CRPPA: variants seen among roughly 807,000 people sequenced by gnomAD.
CRPPA encodes the protein CDP-L-ribitol pyrophosphorylase A.
CRPPA carries 43 observed loss-of-function variants against 52.0 expected under a neutral mutation model. The ratio of observed to expected loss-of-function variants is 0.83; its 90% CI spans 0.65 to 1.07. CRPPA has a LOEUF of 1.07. Among genes scored for constraint, CRPPA ranks in the 50% least tolerant of loss-of-function variants. The probability of loss-of-function intolerance (pLI) is 0.00; values close to 1 mark genes in which losing one functional copy is unlikely to be tolerated. For synonymous variants in CRPPA, 250 were observed against 203.5 expected, an observed-to-expected ratio of 1.23 and a Z score of -1.94; for missense variants, 629 against 551.7, an observed-to-expected ratio of 1.14 and a Z score of -1.40.
intron 8 of CRPPA, among the ~76,000 whole-genome samples, chr7:16,257,150 G>C (rs953071603): frequency 1.3e-5 from 2 of 152,022 alleles, no homozygotes; most frequent in Non-Finnish European, 1.5e-5. Flanking sequence ...TCTACGTCGA[G>C]GAAACCAAAC....
chr7:16,236,534 T>G (rs1349050324), intron 8 of CRPPA, among the ~76,000 whole-genome samples: 2 of 152,108 alleles, frequency 1.3e-5, no homozygotes, highest in Admixed American at 1.3e-4. Context: ...ATCTAGAAGT[T>G]TCTGGCACTG....
chr7:16,171,923 T>A (rs2128385493), intron 9 of CRPPA, among the ~76,000 whole-genome samples: 1 of 152,344 alleles, frequency 6.6e-6, no homozygotes, highest in South Asian at 2.1e-4. Context: ...TTTTTGATAA[T>A]TGTGATATAA....
chr7:16,375,710 A>C (rs1786863035), intron 3 of CRPPA, among the ~76,000 whole-genome samples: 1 of 152,130 alleles, frequency 6.6e-6, no homozygotes, highest in Non-Finnish European at 1.5e-5. Flanking sequence ...GGAAATCTGG[A>C]ATTTTTGTAT....
intron 9 of CRPPA, among the ~76,000 whole-genome samples, chr7:16,103,750 G>T (rs539685971): frequency 1.3e-5 from 2 of 152,236 alleles, no homozygotes; most frequent in South Asian, 2.1e-4. Context: ...ACCAGCTGTT[G>T]TTAGGCAATG....
intron 2 of CRPPA, among the ~76,000 whole-genome samples, chr7:16,380,057 T>C (rs552068683): frequency 2.5e-4 from 38 of 151,278 alleles, no homozygotes; most frequent in African/African-American, 5.6e-4. Context: ...AGGGCATCCC[T>C]GTCTTGTGCC....
chr7:16,421,178 C>T lies in CRPPA; in HGVS notation c.145G>A (p.Ala49Thr). 1 of 1,340,992 alleles carries T rather than the reference C, an allele frequency of 7.5e-7. No homozygotes were observed. The highest frequency in any genetic ancestry group is 1.9e-4 in the Middle Eastern group (1 of 5,136). 83.1% of individuals were successfully genotyped at this position (1,340,992 alleles called of 1,614,324 possible). The part of the protein sequence containing the change: ...EPGRHPQAVA[A>T]VLPAGGCGER... ...CCGCACCCCCCGGCAGGCAACACAG[C>T]TGCCACGGCTTGCGGGTGGCGCCCG... The change falls in exon 1 of 10, where the codon GCT becomes ACT. Residue 49 changes from alanine (A) to threonine (T), a missense_variant. Transcript: ENST00000407010.
chr7:16,354,698 T>C (rs1786251149), intron 3 of CRPPA, among the ~76,000 whole-genome samples: 1 of 152,126 alleles, frequency 6.6e-6, no homozygotes, highest in Admixed American at 6.6e-5. Context: ...CAACTGTGGC[T>C]AAGAAAAGGG....
At chr7:16,175,427 G>C (rs752800857) in intron 9 of CRPPA, among the ~76,000 whole-genome samples, 21 of 152,084 alleles carry the variant, frequency 1.4e-4, no homozygotes, top group Non-Finnish European at 2.6e-4. Flanking sequence ...TTTCAAGGGA[G>C]TGAATATCTA....
At chr7:16,195,282 T>C (rs1274231506) in intron 9 of CRPPA, among the ~76,000 whole-genome samples, 1 of 152,100 alleles carries the variant, frequency 6.6e-6, no homozygotes, top group Non-Finnish European at 1.5e-5. Context: ...GAACTATTCC[T>C]CCTAAAACCA....
intron 3 of CRPPA, among the ~76,000 whole-genome samples, chr7:16,370,582 G>C (rs1160757137): frequency 6.6e-6 from 1 of 152,096 alleles, no homozygotes; most frequent in Non-Finnish European, 1.5e-5. Flanking sequence ...ACTACATCAA[G>C]GAAACACCCT....
intron 8 of CRPPA, among the ~76,000 whole-genome samples, chr7:16,253,009 G>T (rs538551896): frequency 4.6e-5 from 7 of 152,012 alleles, no homozygotes; most frequent in Non-Finnish European, 8.8e-5. Flanking sequence ...TTCTTTATTA[G>T]TCTTGCTAGT....
chr7:16,209,645 T>C (rs969617497), intron 9 of CRPPA, among the ~76,000 whole-genome samples: 7 of 152,096 alleles, frequency 4.6e-5, no homozygotes, highest in African/African-American at 1.2e-4. Context: ...AAAGAAAGAT[T>C]CACACAAAAA....
At chr7:16,323,568 C>A (rs978835520) in intron 3 of CRPPA, among the ~76,000 whole-genome samples, 1 of 152,170 alleles carries the variant, frequency 6.6e-6, no homozygotes, top group African/African-American at 2.4e-5. Context: ...CCGTTTATTG[C>A]CAAGTCCACT....
chr7:16,201,919 G>C (rs1212712993), intron 9 of CRPPA, among the ~76,000 whole-genome samples: 1 of 152,158 alleles, frequency 6.6e-6, no homozygotes, highest in Non-Finnish European at 1.5e-5. Flanking sequence ...AGGTTGAATA[G>C]AAATGGTGAT....
chr7:16,108,950 G>A (rs1353957182), intron 9 of CRPPA, among the ~76,000 whole-genome samples: 1 of 151,740 alleles, frequency 6.6e-6, no homozygotes, highest in Non-Finnish European at 1.5e-5. Flanking sequence ...GAGAAAGTTT[G>A]TAATGATAAA....
intron 9 of CRPPA, among the ~76,000 whole-genome samples, chr7:16,195,769 T>C (rs1293324925): frequency 6.6e-6 from 1 of 152,160 alleles, no homozygotes; most frequent in African/African-American, 2.4e-5. Flanking sequence ...CTTGCCATCA[T>C]GATTACAGAC....
At position 16,322,326 on chromosome 7, in the gene CRPPA, A is replaced by T. The variant is rs1785282054; in HGVS notation, c.685-13699T>A. Among the ~76,000 whole-genome samples the T allele has an allele frequency of 3.9e-5, 6 of 152,160 alleles. No homozygotes were observed. In the South Asian group the frequency reaches 1.2e-3, roughly 32 times the overall value. ...TAATCAATTTACTAACTTGGGCAAGATAGCTTTCAGAAAGAAGCCTGAAAG... is the reference window on the plus strand; with the variant it reads ...TAATCAATTTACTAACTTGGGCAAGTTAGCTTTCAGAAAGAAGCCTGAAAG... On this transcript the variant is annotated intron_variant, in intron 3 of 9. Coordinates refer to ENST00000407010, the MANE Select transcript of CRPPA (RefSeq NM_001101426.4).
chr7:16,226,940 C>G (rs964354317), intron 8 of CRPPA, among the ~76,000 whole-genome samples: 2 of 152,016 alleles, frequency 1.3e-5, no homozygotes, highest in East Asian at 3.9e-4. Flanking sequence ...CCTCTACTAT[C>G]TGCTGCCATA....
intron 3 of CRPPA, among the ~76,000 whole-genome samples, chr7:16,308,912 T>G (rs547296842): frequency 8.5e-5 from 13 of 152,210 alleles, no homozygotes; most frequent in Non-Finnish European, 1.8e-4. Context: ...ATGTAATACT[T>G]TGTTTCCTTT....
Sources: allele counts gnomAD v4.1 joint callset (sites outside exome capture counted in the v4.1 genomes callset), GRCh38; gene constraint gnomAD v4.1.1; transcripts MANE v1.5; gene names NCBI Gene and HGNC (gene_info 2026-07-23, HGNC 2026-07-21).